Variants in PRKCH observed in about 807,000 individuals in gnomAD.
PRKCH encodes the protein protein kinase C eta, also known as protein kinase C eta type.
In PRKCH, 28 loss-of-function variants were observed where a neutral mutation model predicts 82.5. That is an observed-to-expected ratio of 0.34 (90% CI 0.25 to 0.47). The LOEUF (loss-of-function observed/expected upper bound fraction) is 0.47. Among genes scored for constraint, PRKCH ranks in the 20% least tolerant of loss-of-function variants. PRKCH has a pLI of 1.00. For missense variants in PRKCH, 705 were observed against 881.8 expected (o/e 0.80, Z 2.54); for synonymous variants, 322 against 327.4 (o/e 0.98, Z 0.18).
At chr14:61,352,432 G>A (rs928471156) in intron 1 of PRKCH, among the ~76,000 whole-genome samples, 1 of 151,972 alleles carries the variant, frequency 6.6e-6, no homozygotes, top group Non-Finnish European at 1.5e-5. Flanking sequence ...GGAGGCCGAG[G>A]CAGATGGATC....
intron 10 of PRKCH, among the ~76,000 whole-genome samples, chr14:61,516,690 A>C (rs1026717821): frequency 1.9e-4 from 29 of 152,160 alleles, no homozygotes; most frequent in Non-Finnish European, 2.9e-5. Flanking sequence ...TCTTTTGCAC[A>C]TGTTACTATG....
In PRKCH at chr14:61,200,643, A is replaced by AT. The variant is rs147544623; in HGVS notation, c.-19+12982dup. On this transcript the variant is annotated intron_variant, in intron 1 of 3. Coordinates refer to the PRKCH transcript ENST00000555185. ...GTAGTCAATCCTTATCCAAGGCTTA[A>AT]TTTTTTTGTGGTTTTAGTTACCCAC... Among the ~76,000 whole-genome samples the AT allele has an allele frequency of 6.1e-3, 924 of 152,202 alleles. 11 individuals are homozygous for AT. The highest frequency in any genetic ancestry group is 0.021 in the African/African-American group (877 of 41,526).
At position 61,548,079 on chromosome 14, in the gene PRKCH, CATTA is replaced by C. The variant is rs546303829; in HGVS notation, c.1905+197_1905+200del. On this transcript the variant is annotated intron_variant, in intron 13 of 13. Coordinates refer to ENST00000332981, the MANE Select transcript of PRKCH (RefSeq NM_006255.5). ...GGACAACAATGTCTTCATGTGCCCA[CATTA>C]ATTCTTACCAAGTTTCACCCCTCGT... 9.3e-4 allele frequency among the ~76,000 whole-genome samples: 141 copies of C among 152,330 alleles called. 1 individual carries two copies. The highest frequency in any genetic ancestry group is 1.7e-3 in the Non-Finnish European group (116 of 68,022).
In PRKCH at chr14:61,403,648, C is replaced by T. The variant is rs185967928; in HGVS notation, c.427+12360C>T. On this transcript the variant is annotated intron_variant, in intron 2 of 13. Transcript: ENST00000332981. ...TGATTTGAGCAGAACAAGGCAGTCA[C>T]GATACTTCTGAACAAGTGATCAGTG... Among the ~76,000 whole-genome samples, 26 of 152,300 alleles carry T rather than the reference C, an allele frequency of 1.7e-4. 1 individual carries two copies. The East Asian group carries it at 3.1e-3, about 18-fold the overall frequency.
chr14:61,547,839 G>T lies in PRKCH; in HGVS notation c.1858G>T (p.Ala620Ser), dbSNP rs2043278455. The T allele has an allele frequency of 6.2e-7, 1 of 1,614,070 alleles. No individual in the cohort carries two copies. Among genetic ancestry groups the T allele is most frequent in the Non-Finnish European group, 8.5e-7 (1 of 1,179,990 alleles). ...TCCTTTTTTTAAGGAAATCGACTGG[G>T]CCCAGCTGAACCATCGCCAAATAGA... ...RHPFFKEIDWAQLNHRQIEPP... is the reference protein window; with the variant it reads ...RHPFFKEIDWSQLNHRQIEPP... Residue 620 changes from alanine to serine, a missense_variant, in exon 13 of 14, where the codon GCC becomes TCC. Around this residue, in one of 5 missense-constraint regions of PRKCH, gnomAD observed 91 missense variants for 81.2 expected, o/e 1.12. Coordinates refer to ENST00000332981, the MANE Select transcript of PRKCH (RefSeq NM_006255.5).
Position 61,277,874 on chromosome 14 carries a change from T to C in PRKCH, c.-19+90206T>C, listed in dbSNP as rs2045218204. 3 of 152,232 alleles carry C rather than the reference T, an allele frequency of 2.0e-5. No homozygotes were observed. The South Asian group carries it at 6.2e-4, about 31-fold the overall frequency. The allele number at this position is 152,232 out of a possible 1,614,324, so 9.4% of individuals were successfully genotyped here. A position where few individuals can be genotyped will look rare whatever the true frequency, so the allele number is the denominator to read the frequency against. Reference sequence around the variant, plus strand: ...AACTGAATGTTACTATAAAAGATGGTTTTCTTGCTGCAATGTAAATCTGCT... The same window carrying C: ...AACTGAATGTTACTATAAAAGATGGCTTTCTTGCTGCAATGTAAATCTGCT... On this transcript the variant is annotated intron_variant, in intron 1 of 3. Coordinates refer to the PRKCH transcript ENST00000555185.
intron 1 of PRKCH, among the ~76,000 whole-genome samples, chr14:61,288,348 G>C (rs1223781865): frequency 1.3e-5 from 2 of 152,168 alleles, no homozygotes; most frequent in Non-Finnish European, 2.9e-5. Flanking sequence ...TCCTGCCTCA[G>C]CCTCTCAAAG....
intron 12 of PRKCH, 71 bp downstream of exon 12, chr14:61,530,666 T>C (rs2043034584): frequency 7.0e-7 from 1 of 1,425,510 alleles, no homozygotes; most frequent in Non-Finnish European, 9.5e-7. Flanking sequence ...GCTTGAGTCT[T>C]TTCAGTACTT....
intron 1 of PRKCH, among the ~76,000 whole-genome samples, chr14:61,377,549 G>A (rs1320253642): frequency 1.3e-5 from 2 of 152,230 alleles, no homozygotes; most frequent in Non-Finnish European, 2.9e-5. Flanking sequence ...GGGCCAGAGA[G>A]TAATATTTTT....
At chr14:61,308,508 C>A (rs1388147610) in intron 1 of PRKCH, among the ~76,000 whole-genome samples, 1 of 152,192 alleles carries the variant, frequency 6.6e-6, no homozygotes, top group African/African-American at 2.4e-5. Context: ...ACCCATTGTA[C>A]CCATGAGCTT....
chr14:61,265,812 C>T (rs1304591639), intron 1 of PRKCH, among the ~76,000 whole-genome samples: 2 of 152,132 alleles, frequency 1.3e-5, no homozygotes, highest in African/African-American at 2.4e-5. Flanking sequence ...TAAGAGCCCC[C>T]AGCTGGGTGC....
chr14:61,228,486 T>G (rs2044715154), intron 1 of PRKCH, among the ~76,000 whole-genome samples: 1 of 152,160 alleles, frequency 6.6e-6, no homozygotes, highest in South Asian at 2.1e-4. Context: ...TCAGAGTTTG[T>G]ACTTGGTGTC....
chr14:61,313,626 A>T (rs1344081603), intron 1 of PRKCH, among the ~76,000 whole-genome samples: 3 of 152,182 alleles, frequency 2.0e-5, no homozygotes, highest in Non-Finnish European at 2.9e-5. Context: ...AATTTACAAA[A>T]AAAAGAAGGT....
rs371796541 is a variant in PRKCH at position 61,522,816 on chromosome 14, C to CAGGCT, written c.1434-6258_1434-6254dup. ...GTATCCCAACATCCTGGCATATGGC[C>CAGGCT]AGGCTCATGGACAATACTAAAGAAT... On this transcript the variant is annotated intron_variant, in intron 10 of 13. Coordinates refer to ENST00000332981, the MANE Select transcript of PRKCH (RefSeq NM_006255.5). 1.6e-3 allele frequency among the ~76,000 whole-genome samples: 239 copies of CAGGCT among 152,330 alleles called. 1 individual carries two copies. The highest frequency in any genetic ancestry group is 5.6e-3 in the African/African-American group (231 of 41,568).
At chr14:61,481,297 G>A (rs551500739) in intron 9 of PRKCH, among the ~76,000 whole-genome samples, 26 of 152,240 alleles carry the variant, frequency 1.7e-4, no homozygotes, top group Admixed American at 3.9e-4. Flanking sequence ...TAAAGCCTGC[G>A]CACCAGGCTC....
intron 2 of PRKCH, among the ~76,000 whole-genome samples, chr14:61,400,597 C>T (rs781455405): frequency 7.9e-5 from 12 of 152,172 alleles, no homozygotes; most frequent in Non-Finnish European, 1.2e-4. Context: ...GATGCTCTCT[C>T]GTCTTCTCCA....
intron 1 of PRKCH, among the ~76,000 whole-genome samples, chr14:61,290,183 T>A (rs2140098143): frequency 6.6e-6 from 1 of 151,754 alleles, no homozygotes; most frequent in South Asian, 2.1e-4. Context: ...TCCTAGCTAC[T>A]CGGAAGGCTG....
chr14:61,290,095 C>A (rs921047413), intron 1 of PRKCH, among the ~76,000 whole-genome samples: 3 of 152,142 alleles, frequency 2.0e-5, no homozygotes. Flanking sequence ...AGATCGAGAC[C>A]AGCCTGGCCA....
chr14:61,247,141 A>G (rs2044892319), intron 1 of PRKCH, among the ~76,000 whole-genome samples: 1 of 152,216 alleles, frequency 6.6e-6, no homozygotes, highest in Non-Finnish European at 1.5e-5. Flanking sequence ...TTGAATAATC[A>G]ATAATCCTCC....
Sources: gnomAD v4.1 joint callset for allele counts (sites outside exome capture counted in the v4.1 genomes callset) on GRCh38, gnomAD v4.1.1 for gene constraint, gnomAD v4.1.1 regional missense constraint, MANE v1.5 for transcripts, NCBI Gene and HGNC (gene_info 2026-07-23, HGNC 2026-07-21) for gene names.